DHTKD1: variants seen among roughly 807,000 people sequenced by gnomAD.
DHTKD1 encodes 2-oxoadipate dehydrogenase complex component E1.
DHTKD1 carries 78 observed loss-of-function variants against 101.8 expected under a neutral mutation model. That is an observed-to-expected ratio of 0.77 (90% CI 0.64 to 0.93). DHTKD1 has a LOEUF of 0.93. DHTKD1 is among the 40% of genes least tolerant of loss of function. DHTKD1 has a pLI of 0.00. For synonymous variants in DHTKD1, 462 were observed against 450.3 expected, an observed-to-expected ratio of 1.03 and a Z score of -0.33; for missense variants, 1,223 against 1,161.7, an observed-to-expected ratio of 1.05 and a Z score of -0.77.
intron 3 of DHTKD1, among the ~76,000 whole-genome samples, chr10:12,086,186 AAAAATTTATTT>A (rs1176482578): frequency 5.3e-5 from 8 of 150,140 alleles, no homozygotes; most frequent in Non-Finnish European, 1.2e-4. Context: ...AAAATTTTTT[AAAAATTTATTT>A]AAAATTTATT....
At chr10:12,084,285 C>A (rs1225757970) in intron 2 of DHTKD1, among the ~76,000 whole-genome samples, 1 of 150,538 alleles carries the variant, frequency 6.6e-6, no homozygotes, top group Non-Finnish European at 1.5e-5. Flanking sequence ...TGGTATGTTC[C>A]AGAATTAACT....
At chr10:12,073,199 A>G (rs1832676611) in intron 1 of DHTKD1, among the ~76,000 whole-genome samples, 1 of 151,620 alleles carries the variant, frequency 6.6e-6, no homozygotes, top group Non-Finnish European at 1.5e-5. Flanking sequence ...CGCCCAGCTA[A>G]TTTTTATATT....
chr10:12,068,994 G>A lies in DHTKD1; in HGVS notation c.-40G>A. The A allele has an allele frequency of 4.3e-6, 7 of 1,610,156 alleles. No homozygotes were observed. Among genetic ancestry groups the A allele is most frequent in the Non-Finnish European group, 5.9e-6 (7 of 1,178,700 alleles). On this transcript the variant is annotated 5_prime_UTR_variant, in exon 1 of 17. Coordinates refer to ENST00000263035, the MANE Select transcript of DHTKD1 (RefSeq NM_018706.7). The stretch of plus-strand genomic sequence containing the variant: ...TACCAGGGCCGGTGGGATCCCCTCG[G>A]GCTCCCGCCTTAGCATGCTGGCCGG...
chr10:12,090,425 C>CTTCCTTCCTTCCTTCCT (rs376437103), intron 5 of DHTKD1, among the ~76,000 whole-genome samples: 1 of 47,350 alleles, frequency 2.1e-5, no homozygotes, highest in Non-Finnish European at 4.1e-5. Flanking sequence ...TCCTTCCTTC[C>CTTCCTTCCTTCCTTCCT]TTTTTCCTTC....
rs1349526684 is a variant in DHTKD1, at chr10:12,110,115, G to A, written c.2154+2100G>A. On this transcript the variant is annotated intron_variant, in intron 12 of 16. Transcript: ENST00000263035. The surrounding 1 kb of genome is among the most constrained non-coding windows in gnomAD (Gnocchi z 4.9). ...AGATGAAGACCATCCTGGCTAACAC[G>A]GTGAAACCCTGTGTCTACTAAAAAT... Among the ~76,000 whole-genome samples, 2 of 152,098 alleles carry A rather than the reference G, an allele frequency of 1.3e-5. No individual in the cohort carries two copies. Among genetic ancestry groups the A allele is most frequent in the African/African-American group, 4.8e-5 (2 of 41,432 alleles).
chr10:12,117,688 C>A lies in DHTKD1; in HGVS notation c.2335C>A (p.Leu779Ile). Reference sequence around the variant, plus strand: ...TCCCTCGTAGGCAGCCGTGTCAACTCTTCAAGAAATGGCACCAGGAACAAC... The same window carrying A: ...TCCCTCGTAGGCAGCCGTGTCAACTATTCAAGAAATGGCACCAGGAACAAC... Reference protein sequence around the residue: ...LLRLPAAVSTLQEMAPGTTFN... With the variant: ...LLRLPAAVSTIQEMAPGTTFN... The change falls in exon 14 of 17, where the codon CTT becomes ATT. Residue 779 changes from leucine (L) to isoleucine (I), a missense_variant. Leu to Ile is a conservative substitution (Grantham distance 5, BLOSUM62 2). Coordinates refer to ENST00000263035, the MANE Select transcript of DHTKD1 (RefSeq NM_018706.7). 6.2e-7 allele frequency: 1 copy of A among 1,605,404 alleles called. No individual in the cohort carries two copies. Among genetic ancestry groups the A allele is most frequent in the Non-Finnish European group, 8.5e-7 (1 of 1,174,654 alleles).
At chr10:12,116,835 G>C (rs1338660246) in intron 13 of DHTKD1, among the ~76,000 whole-genome samples, 1 of 151,744 alleles carries the variant, frequency 6.6e-6, no homozygotes, top group African/African-American at 2.4e-5. Context: ...GAGTAGCTGG[G>C]ACTACAGGCA....
Position 12,088,462 on chromosome 10 carries a change from A to T in DHTKD1, c.718-524A>T, listed in dbSNP as rs550522769. On this transcript the variant is annotated intron_variant, in intron 4 of 16. Transcript: ENST00000263035. ...CCTCCAGCCTGGAAGACAGAGCCAGATCCTGTCTTAAAAAAAAAAAAGAGG... is the reference window on the plus strand; with the variant it reads ...CCTCCAGCCTGGAAGACAGAGCCAGTTCCTGTCTTAAAAAAAAAAAAGAGG... 1.7e-4 allele frequency among the ~76,000 whole-genome samples: 25 copies of T among 151,510 alleles called. 1 individual carries two copies. The highest frequency in any genetic ancestry group is 5.6e-4 in the African/African-American group (23 of 41,254).
intron 10 of DHTKD1, among the ~76,000 whole-genome samples, chr10:12,104,880 T>C (rs1009793165): frequency 7.2e-6 from 1 of 139,280 alleles, no homozygotes; most frequent in Non-Finnish European, 1.6e-5. Context: ...AATTTTTTTT[T>C]CTTTTTTTTT....
At chr10:12,078,479 G>A (rs778670821) in intron 1 of DHTKD1, among the ~76,000 whole-genome samples, 5 of 151,958 alleles carry the variant, frequency 3.3e-5, no homozygotes, top group East Asian at 1.9e-4. Flanking sequence ...GGGCATGGCG[G>A]CACGCACCTG....
In DHTKD1 at chr10:12,085,059, AAGG is replaced by A. The variant is rs1236412554; in HGVS notation, c.522+311_522+313del. ...AGAGTGAAACACCTTCTCAAAAAAA[AAGG>A]AGCATTTAATAGCAAGGGCATAGGT... On this transcript the variant is annotated intron_variant, in intron 3 of 16. Transcript: ENST00000263035. Among the ~76,000 whole-genome samples, 53 of 152,020 alleles carry A rather than the reference AAGG, an allele frequency of 3.5e-4. 2 individuals are homozygous for A. The highest frequency in any genetic ancestry group is 4.4e-5 in the Non-Finnish European group (3 of 67,978).
Position 12,081,509 on chromosome 10 carries a change from T to C in DHTKD1, c.192T>C (p.Cys64=). ...HGLARLVTVY[C]EHGHKAAKIN... ...TTGCCAGGTTGGTGACAGTATATTG[T>C]GAGCATGGTCATAAAGCTGCCAAAA... Residue 64 remains cysteine (C), a synonymous_variant, in exon 2 of 17, where the codon TGT becomes TGC. Coordinates refer to ENST00000263035, the MANE Select transcript of DHTKD1 (RefSeq NM_018706.7). 2 of 1,614,156 alleles carry C rather than the reference T, an allele frequency of 1.2e-6. No homozygotes were observed. Among genetic ancestry groups the C allele is most frequent in the South Asian group, 2.2e-5 (2 of 91,086 alleles).
intron 1 of DHTKD1, among the ~76,000 whole-genome samples, chr10:12,074,851 TGCAAACCA>T (rs1832702293): frequency 6.6e-6 from 1 of 152,058 alleles, no homozygotes; most frequent in Non-Finnish European, 1.5e-5. Flanking sequence ...CCATTCCCAT[TGCAAACCA>T]GCGGCCATAT....
rs774133368 is a variant in DHTKD1, at chr10:12,089,215, A to G, written c.947A>G (p.Asp316Gly). The change falls in exon 5 of 17, where the codon GAC (aspartate) becomes GGC (glycine). Residue 316 changes from aspartate to glycine, a missense_variant. By Grantham distance (94) the Asp-to-Gly change is moderately conservative. Transcript: ENST00000263035. ...CGCCAAGACGGCGATTACTCTCCAG[A>G]CAACTCAGCCCAGCCGGGGGACAGG... ...QSRQDGDYSP[D>G]NSAQPGDRVI... The G allele has an allele frequency of 1.2e-6, 2 of 1,614,074 alleles. No homozygotes were observed. The highest frequency in any genetic ancestry group is 2.2e-5 in the East Asian group (1 of 44,900).
intron 14 of DHTKD1, among the ~76,000 whole-genome samples, chr10:12,118,252 T>C (rs2658195): frequency 0.34 from 52,032 of 151,408 alleles, 9,167 homozygotes; most frequent in East Asian, 0.5. Flanking sequence ...GAAAGTGGAC[T>C]TTGTAGGCGC....
intron 1 of DHTKD1, among the ~76,000 whole-genome samples, chr10:12,081,115 A>T (rs992195026): frequency 1.3e-5 from 2 of 151,908 alleles, no homozygotes; most frequent in Non-Finnish European, 2.9e-5. Flanking sequence ...CCTGCCTAAC[A>T]TGGTGAAACC....
intron 1 of DHTKD1, among the ~76,000 whole-genome samples, chr10:12,070,633 C>A (rs1832638101): frequency 6.6e-6 from 1 of 152,152 alleles, no homozygotes; most frequent in African/African-American, 2.4e-5. Context: ...GGATTACAGG[C>A]ACCTGCCACC....
intron 6 of DHTKD1, among the ~76,000 whole-genome samples, chr10:12,092,394 C>T (rs1295638650): frequency 1.3e-5 from 2 of 152,154 alleles, no homozygotes; most frequent in Non-Finnish European, 2.9e-5. Context: ...GAGATCAACA[C>T]AATGAGTACA....
At chr10:12,120,090 G>C in intron 15 of DHTKD1, 92 bp from the exon 16 acceptor site, 4 of 946,990 alleles carry the variant, frequency 4.2e-6, no homozygotes, top group Non-Finnish European at 6.8e-6. Flanking sequence ...CCATCGTAAA[G>C]TTGAAAACTC....
Sources: gnomAD v4.1 joint callset for allele counts (sites outside exome capture counted in the v4.1 genomes callset) on GRCh38, gnomAD v4.1.1 for gene constraint, Gnocchi (gnomAD v3.1) non-coding constraint, MANE v1.5 for transcripts, NCBI Gene and HGNC (gene_info 2026-07-23, HGNC 2026-07-21) for gene names.